SLC22A3: variants seen among roughly 807,000 people sequenced by gnomAD.
SLC22A3 encodes EMT organic cation transporter 3.
SLC22A3 carries 51 observed loss-of-function variants against 59.1 expected under a neutral mutation model. The observed-to-expected ratio is 0.86, with a 90% confidence interval of 0.69 to 1.09. SLC22A3 has a LOEUF of 1.09. Among genes scored for constraint, SLC22A3 ranks in the 50% least tolerant of loss-of-function variants. SLC22A3 has a pLI of 0.00. For missense variants in SLC22A3, 711 were observed against 726.3 expected, an observed-to-expected ratio of 0.98 and a Z score of 0.24; for synonymous variants, 325 against 292.0, an observed-to-expected ratio of 1.11 and a Z score of -1.15.
chr6:160,433,403 C>T (rs1788223685), intron 5 of SLC22A3, among the ~76,000 whole-genome samples: 3 of 152,142 alleles, frequency 2.0e-5, no homozygotes, highest in African/African-American at 7.2e-5. Flanking sequence ...TCAAATTAGG[C>T]TGGGCATGAT....
In SLC22A3 at chr6:160,451,959, G is replaced by A. The variant is rs867128722; in HGVS notation, c.*903G>A. ...TCCGATGGTGCCCGTGGTCAAAAGC[G>A]AAAAACATGGACAATTCCTATTCAT... On this transcript the variant is annotated 3_prime_UTR_variant, in exon 11 of 11. Transcript: ENST00000275300. The A allele has an allele frequency of 2.6e-5, 4 of 152,132 alleles. No individual in the cohort carries two copies. Among genetic ancestry groups the A allele is most frequent in the African/African-American group, 7.2e-5 (3 of 41,440 alleles). 9.4% of individuals were successfully genotyped at this position (152,132 alleles called of 1,614,324 possible). A position where few individuals can be genotyped will look rare whatever the true frequency, so the allele number is the denominator to read the frequency against.
At chr6:160,388,004 C>T (rs1057017295) in intron 1 of SLC22A3, among the ~76,000 whole-genome samples, 1 of 152,134 alleles carries the variant, frequency 6.6e-6, no homozygotes, top group African/African-American at 2.4e-5. Context: ...GTAAATGCCC[C>T]AGATGAGCTG....
intron 1 of SLC22A3, among the ~76,000 whole-genome samples, chr6:160,369,104 C>T (rs529680512): frequency 6.6e-6 from 1 of 152,292 alleles, no homozygotes; most frequent in African/African-American, 2.4e-5. Flanking sequence ...TTCCAAGTGC[C>T]TACTTGAACA....
At chr6:160,403,291 A>G (rs1786867228) in intron 2 of SLC22A3, among the ~76,000 whole-genome samples, 1 of 151,832 alleles carries the variant, frequency 6.6e-6, no homozygotes, top group Non-Finnish European at 1.5e-5. Flanking sequence ...AAATTTGATA[A>G]CCTACATGAA....
At chr6:160,398,108 T>C (rs1786587967) in intron 2 of SLC22A3, 26 bp downstream of exon 2, 1 of 1,453,406 alleles carries the variant, frequency 6.9e-7, no homozygotes, top group Admixed American at 1.7e-5. Flanking sequence ...ACAGCCATTT[T>C]ATGTCACTAT....
Position 160,451,001 on chromosome 6 carries a change from A to T in SLC22A3, c.1616A>T (p.His539Leu). ...TTTCTCCTTTGTTTTTTCAGTCCAC[A>T]TTCCTGTAAATGTGGCAGGAATAAG... ...VDDVEKLGSP[H>L]SCKCGRNKKT... is the part of the protein sequence containing the mutation. Residue 539 changes from histidine (H) to leucine (L), a missense_variant, in exon 11 of 11, where the codon CAT becomes CTT. By Grantham distance (99) the His-to-Leu change is moderately conservative. Transcript: ENST00000275300. The T allele has an allele frequency of 6.3e-7, 1 of 1,591,530 alleles. No homozygotes were observed. The highest frequency in any genetic ancestry group is 8.6e-7 in the Non-Finnish European group (1 of 1,166,600).
At chr6:160,404,866 CA>C (rs35421179) in intron 2 of SLC22A3, among the ~76,000 whole-genome samples, 36,066 of 106,996 alleles carry the variant, frequency 0.34, 4,162 homozygotes, top group South Asian at 0.43. Context: ...CAACCACATG[CA>C]AAAAAAAAAA....
intron 1 of SLC22A3, among the ~76,000 whole-genome samples, chr6:160,391,897 T>C (rs548103196): frequency 6.6e-6 from 1 of 152,340 alleles, no homozygotes; most frequent in East Asian, 1.9e-4. Context: ...AAAAAAGTGA[T>C]GCATTTAGAA....
intron 1 of SLC22A3, among the ~76,000 whole-genome samples, chr6:160,350,511 G>A (rs973498237): frequency 1.3e-5 from 2 of 152,176 alleles, no homozygotes; most frequent in African/African-American, 4.8e-5. Flanking sequence ...AGTCGCATCT[G>A]TTAGGTGGCT....
At chr6:160,397,210 T>G (rs1786508030) in intron 1 of SLC22A3, among the ~76,000 whole-genome samples, 2 of 152,084 alleles carry the variant, frequency 1.3e-5, no homozygotes, top group Admixed American at 6.5e-5. Context: ...ATTAGTTAGA[T>G]TCTCATAAGA....
At chr6:160,403,222 A>G (rs373530818) in intron 2 of SLC22A3, among the ~76,000 whole-genome samples, 22 of 151,746 alleles carry the variant, frequency 1.4e-4, no homozygotes, top group African/African-American at 3.4e-4. Context: ...GGACATTTTG[A>G]CGGATCCCAT....
At position 160,348,845 on chromosome 6, in the gene SLC22A3, C is replaced by G; in HGVS notation, c.426C>G (p.Ser142Arg). 6.3e-7 allele frequency: 1 copy of G among 1,583,742 alleles called. No individual in the cohort carries two copies. Among genetic ancestry groups the G allele is most frequent in the Non-Finnish European group, 8.5e-7 (1 of 1,173,310 alleles). ...RYAQAHSTIV[S>R]EFDLVCVNAW... The stretch of plus-strand genomic sequence containing the variant: ...CCCAGGCCCACTCCACCATCGTCAG[C>G]GAGGTAAGGGCGCCCCGGCCCTTTG... Residue 142 changes from serine to arginine, a missense_variant, in exon 1 of 11, where the codon AGC (serine) becomes AGG (arginine). Ser to Arg is a moderately radical substitution (Grantham distance 110). Coordinates refer to ENST00000275300, the MANE Select transcript of SLC22A3 (RefSeq NM_021977.4).
chr6:160,366,639 C>T (rs946864006), intron 1 of SLC22A3, among the ~76,000 whole-genome samples: 9 of 152,226 alleles, frequency 5.9e-5, no homozygotes, highest in Non-Finnish European at 1.0e-4. Context: ...ACTGCCCTAG[C>T]AGAGGTTCTT....
intron 1 of SLC22A3, among the ~76,000 whole-genome samples, chr6:160,371,874 T>G (rs1281432439): frequency 1.3e-5 from 2 of 152,262 alleles, no homozygotes; most frequent in Non-Finnish European, 2.9e-5. Flanking sequence ...CCATTCTAAC[T>G]GGCTTGATAT....
At position 160,442,748 on chromosome 6, in the gene SLC22A3, T is replaced by A. The variant is rs747482147; in HGVS notation, c.1289-13T>A. ...CCCCTAACTCCTCCCTTTCAAACTT[T>A]CTGTGTTTGCAGGAATAGCATGGTT... On this transcript the variant is annotated splice_polypyrimidine_tract_variant and intron_variant, in intron 7 of 10. Coordinates refer to ENST00000275300, the MANE Select transcript of SLC22A3 (RefSeq NM_021977.4). The A allele has an allele frequency of 6.3e-7, 1 of 1,597,546 alleles. No individual in the cohort carries two copies. The highest frequency in any genetic ancestry group is 2.2e-5 in the East Asian group (1 of 44,718).
intron 1 of SLC22A3, among the ~76,000 whole-genome samples, chr6:160,351,001 G>A (rs1332173240): frequency 6.6e-6 from 1 of 152,216 alleles, no homozygotes; most frequent in East Asian, 1.9e-4. Flanking sequence ...ACTGTTTGGT[G>A]TGCCCAGAAC....
chr6:160,364,663 G>A (rs921673943), intron 1 of SLC22A3, among the ~76,000 whole-genome samples: 3 of 152,164 alleles, frequency 2.0e-5, no homozygotes, highest in Non-Finnish European at 2.9e-5. Flanking sequence ...AGTTGTCCAC[G>A]TGAAGGAAAG....
rs192739915 is a variant in SLC22A3, at chr6:160,415,699, T to A, written c.975+4853T>A. Among the ~76,000 whole-genome samples the A allele has an allele frequency of 3.9e-5, 6 of 152,218 alleles. No homozygotes were observed. The highest frequency in any genetic ancestry group is 9.6e-5 in the African/African-American group (4 of 41,536). ...CATTCTCAGGGTGCCCATTATAGGG[T>A]GCGGAGAAGGTTAGAATGGATTTGA... On this transcript the variant is annotated intron_variant, in intron 5 of 10. Transcript: ENST00000275300. The surrounding 1 kb of genome is among the most constrained non-coding windows in gnomAD (Gnocchi z 4.1).
chr6:160,348,765 G>T lies in SLC22A3; in HGVS notation c.346G>T (p.Ala116Ser), dbSNP rs8187717. Residue 116 changes from alanine to serine, a missense_variant, in exon 1 of 11, where the codon GCC (alanine) becomes TCC (serine). Coordinates refer to ENST00000275300, the MANE Select transcript of SLC22A3 (RefSeq NM_021977.4). ...SALSCADPLA[A>S]FPNRSAPLVP... is the part of the protein sequence containing the mutation. The stretch of plus-strand genomic sequence containing the variant: ...TCTCAGCTGCGCGGACCCACTCGCC[G>T]CCTTCCCCAACCGCTCGGCTCCCCT... 7.7e-4 allele frequency: 1,192 copies of T among 1,545,056 alleles called. 8 individuals carry two copies. The African/African-American group carries it at 0.015, about 19-fold the overall frequency.
Sources: gnomAD v4.1 joint callset for allele counts (sites outside exome capture counted in the v4.1 genomes callset) on GRCh38, gnomAD v4.1.1 for gene constraint, Gnocchi (gnomAD v3.1) non-coding constraint, MANE v1.5 for transcripts, NCBI Gene and HGNC (gene_info 2026-07-23, HGNC 2026-07-21) for gene names.